Variants in ACSL5 observed in about 807,000 individuals in gnomAD.
ACSL5 encodes the protein long-chain-fatty-acid--CoA ligase 5.
A neutral mutation model predicts 84.9 loss-of-function variants in ACSL5; 50 were observed. The observed-to-expected ratio is 0.59, with a 90% CI of 0.47 to 0.75. The LOEUF (loss-of-function observed/expected upper bound fraction) is 0.75. ACSL5 is among the 30% of genes least tolerant of loss of function. The probability of loss-of-function intolerance (pLI) is 0.00; values close to 1 mark genes in which losing one functional copy is unlikely to be tolerated. For synonymous variants in ACSL5, 280 were observed against 300.7 expected, an observed-to-expected ratio of 0.93 and a Z score of 0.71; for missense variants, 775 against 830.4, an observed-to-expected ratio of 0.93 and a Z score of 0.82.
intron 1 of ACSL5, among the ~76,000 whole-genome samples, chr10:112,378,230 T>G (rs1296524423): frequency 1.2e-3 from 12 of 10,360 alleles, no homozygotes; most frequent in African/African-American, 1.9e-3. Flanking sequence ...TCTTCTTGTT[T>G]TTTTTTTTTT....
At chr10:112,393,247 T>G (rs1204709114) in intron 1 of ACSL5, among the ~76,000 whole-genome samples, 2 of 152,160 alleles carry the variant, frequency 1.3e-5, no homozygotes, top group Non-Finnish European at 1.5e-5. Context: ...CCATGGGACC[T>G]GGCTTTTATT....
chr10:112,411,897 CAT>C lies in ACSL5; in HGVS notation c.871-3_871-2del. 1 of 1,612,638 alleles carries C rather than the reference CAT, an allele frequency of 6.2e-7. No homozygotes were observed. The highest frequency in any genetic ancestry group is 1.1e-5 in the South Asian group (1 of 91,054). The stretch of plus-strand genomic sequence containing the variant: ...TGCCTCCTCTTACTTCCCTGGCCTA[CAT>C]AGCATGCTTATGAGCCCACTCCTGA... On this transcript the variant is annotated splice_region_variant and splice_polypyrimidine_tract_variant and intron_variant, in intron 10 of 20. Transcript: ENST00000354655.
intron 1 of ACSL5, chr10:112,394,649 T>TG (rs1330543399): frequency 1.3e-6 from 1 of 795,222 alleles, no homozygotes; most frequent in African/African-American, 1.9e-5. Flanking sequence ...TGGGAAATGA[T>TG]TAACTTGTTT....
Position 112,413,165 on chromosome 10 carries a change from G to A in ACSL5, c.949-8G>A, listed in dbSNP as rs772562042. On this transcript the variant is annotated splice_region_variant and splice_polypyrimidine_tract_variant and intron_variant, in intron 11 of 20. Coordinates refer to ENST00000354655, the MANE Select transcript of ACSL5 (RefSeq NM_203379.2). ...CCTCTAAGCTCTATAATTTGGTTTT[G>A]TTTTCAGGCTGTTGTGTACAGCTGT... The A allele has an allele frequency of 6.2e-7, 1 of 1,613,840 alleles. No individual in the cohort carries two copies. Among genetic ancestry groups the A allele is most frequent in the Non-Finnish European group, 8.5e-7 (1 of 1,179,874 alleles).
At chr10:112,375,998 C>T (rs1849230916) in intron 1 of ACSL5, among the ~76,000 whole-genome samples, 1 of 152,146 alleles carries the variant, frequency 6.6e-6, no homozygotes, top group African/African-American at 2.4e-5. Flanking sequence ...CACCTCAAGT[C>T]ATTTTAGTTT....
intron 14 of ACSL5, among the ~76,000 whole-genome samples, chr10:112,419,010 TATG>T (rs1844390819): frequency 6.6e-6 from 1 of 152,188 alleles, no homozygotes; most frequent in South Asian, 2.1e-4. Context: ...TTGAGTTGCT[TATG>T]ATATTTTTCA....
chr10:112,378,097 C>T (rs1849276138), intron 1 of ACSL5, among the ~76,000 whole-genome samples: 1 of 151,924 alleles, frequency 6.6e-6, no homozygotes, highest in Admixed American at 6.6e-5. Flanking sequence ...AGTGAGACCA[C>T]AGATACTACA....
intron 17 of ACSL5, among the ~76,000 whole-genome samples, chr10:112,423,597 T>C (rs899335874): frequency 2.0e-5 from 3 of 151,996 alleles, no homozygotes; most frequent in African/African-American, 7.2e-5. Flanking sequence ...CCTTATCGAA[T>C]ATACAACCAG....
chr10:112,415,532 A>G (rs1844295639), intron 12 of ACSL5, among the ~76,000 whole-genome samples: 1 of 152,248 alleles, frequency 6.6e-6, no homozygotes, highest in South Asian at 2.1e-4. Context: ...AATGTTGAAG[A>G]AAGATAAATC....
At chr10:112,407,100 A>AT (rs1844056974) in intron 5 of ACSL5, among the ~76,000 whole-genome samples, 1 of 152,244 alleles carries the variant, frequency 6.6e-6, no homozygotes, top group Non-Finnish European at 1.5e-5. Context: ...GGACTTATTT[A>AT]CTATCATGAG....
intron 7 of ACSL5, chr10:112,410,163 A>G: frequency 1.5e-6 from 2 of 1,377,208 alleles, no homozygotes; most frequent in Non-Finnish European, 1.9e-6. Context: ...AATGTTAGCT[A>G]TTCATTTCTT....
Position 112,426,271 on chromosome 10 carries a change from G to C in ACSL5, c.1751G>C (p.Gly584Ala), listed in dbSNP as rs909452609. The change falls in exon 19 of 21, where the codon GGA (glycine) becomes GCA (alanine). Residue 584 changes from glycine (G) to alanine (A), a missense_variant. Coordinates refer to ENST00000354655, the MANE Select transcript of ACSL5 (RefSeq NM_203379.2). ...TCCTTTCCATAGTCATCCTTAGTAG[G>C]AGTGGTGGTTCCTGACACAGATGTA... is the stretch of plus-strand genomic sequence containing the variant. Reference protein sequence around the residue: ...HGESLRSSLVGVVVPDTDVLP... With the variant: ...HGESLRSSLVAVVVPDTDVLP... The C allele has an allele frequency of 2.5e-6, 4 of 1,613,900 alleles. No individual in the cohort carries two copies. The highest frequency in any genetic ancestry group is 4.5e-5 in the East Asian group (2 of 44,902).
intron 14 of ACSL5, among the ~76,000 whole-genome samples, chr10:112,420,694 A>G (rs962127883): frequency 6.6e-6 from 1 of 151,850 alleles, no homozygotes; most frequent in African/African-American, 2.4e-5. Flanking sequence ...CCTACTTGAA[A>G]TGCTGCATTT....
In ACSL5 at chr10:112,428,353, C is replaced by T. The variant is rs997437972; in HGVS notation, c.*995C>T. ...TTGTTTCTACTTGTAAATGTAAAGT[C>T]TTTAAAATAAACTATTACAGATACT... is the stretch of plus-strand genomic sequence containing the variant. On this transcript the variant is annotated 3_prime_UTR_variant, in exon 21 of 21. Coordinates refer to ENST00000354655, the MANE Select transcript of ACSL5 (RefSeq NM_203379.2). 11 of 398,200 alleles carry T rather than the reference C, an allele frequency of 2.8e-5. No individual in the cohort carries two copies. Among genetic ancestry groups the T allele is most frequent in the African/African-American group, 2.3e-4 (11 of 48,618 alleles). 24.7% of individuals were successfully genotyped at this position (398,200 alleles called of 1,614,324 possible).
At chr10:112,404,917 T>A in intron 5 of ACSL5, 111 bp downstream of exon 5, 1 of 960,580 alleles carries the variant, frequency 1.0e-6, no homozygotes, top group Non-Finnish European at 1.6e-6. Flanking sequence ...ACCAAAGCTA[T>A]TGTTAAAATT....
intron 1 of ACSL5, among the ~76,000 whole-genome samples, chr10:112,374,814 A>G (rs1443443650): frequency 1.3e-5 from 2 of 152,188 alleles, no homozygotes; most frequent in African/African-American, 4.8e-5. Context: ...GTTAAACAGC[A>G]TGGCCTAAGC....
At chr10:112,388,137 G>A (rs1268950288) in intron 1 of ACSL5, among the ~76,000 whole-genome samples, 3 of 151,828 alleles carry the variant, frequency 2.0e-5, no homozygotes, top group East Asian at 1.9e-4. Context: ...ATGGGGTTTC[G>A]CCATGTTGGC....
rs375575991 is a variant in ACSL5, at chr10:112,425,525, T to C, written c.1737+44T>C. ...AATAGCCCATTTCAGTCACAAACCA[T>C]GCTGGTTCTTGTAGCTACAGGAAAT... is the stretch of plus-strand genomic sequence containing the variant. On this transcript the variant is annotated intron_variant, in intron 18 of 20. Transcript: ENST00000354655. 8 of 1,488,548 alleles carry C rather than the reference T, an allele frequency of 5.4e-6. No individual in the cohort carries two copies. In the African/African-American group the frequency reaches 8.6e-5, roughly 16 times the overall value. The allele number at this position is 1,488,548 out of a possible 1,614,324, so 92.2% of individuals were successfully genotyped here.
chr10:112,391,823 C>T (rs1589676982), intron 1 of ACSL5, among the ~76,000 whole-genome samples: 1 of 152,154 alleles, frequency 6.6e-6, no homozygotes, highest in Non-Finnish European at 1.5e-5. Context: ...ATCTGTGACC[C>T]ATAGTATTGT....
Sources: allele counts gnomAD v4.1 joint callset (sites outside exome capture counted in the v4.1 genomes callset), GRCh38; gene constraint gnomAD v4.1.1; transcripts MANE v1.5; gene names NCBI Gene and HGNC (gene_info 2026-07-23, HGNC 2026-07-21).